EYA4: variants seen among roughly 807,000 people sequenced by gnomAD.
The protein encoded by EYA4 is protein phosphatase EYA4.
In EYA4, 31 loss-of-function variants were observed where a neutral mutation model predicts 87.9. That is an observed-to-expected ratio of 0.35 (90% CI 0.27 to 0.48). The LOEUF (loss-of-function observed/expected upper bound fraction) is 0.48, where lower values mean the gene tolerates loss of function less well. EYA4 is among the 20% of genes least tolerant of loss of function. EYA4 has a pLI of 0.99. For synonymous variants in EYA4, 263 were observed against 270.6 expected (o/e 0.97, Z 0.28); for missense variants, 678 against 761.4 (o/e 0.89, Z 1.29).
At chr6:133,301,830 G>T (rs1779431821) in intron 2 of EYA4, among the ~76,000 whole-genome samples, 1 of 152,202 alleles carries the variant, frequency 6.6e-6, no homozygotes, top group South Asian at 2.1e-4. Context: ...TTTGCATTTT[G>T]AAGGAGGAAG....
chr6:133,508,340 A>C (rs1798827832), intron 14 of EYA4, among the ~76,000 whole-genome samples: 1 of 143,410 alleles, frequency 7.0e-6, no homozygotes, highest in South Asian at 2.2e-4. Context: ...ATACAGAATG[A>C]TTTTATATAT....
intron 19 of EYA4, chr6:133,525,793 G>A (rs1800590781): frequency 7.8e-6 from 4 of 510,794 alleles, no homozygotes; most frequent in Non-Finnish European, 1.0e-5. Flanking sequence ...AAGGAATGCT[G>A]AGGGCAGATT....
intron 2 of EYA4, among the ~76,000 whole-genome samples, chr6:133,329,294 A>G (rs1381017874): frequency 6.6e-6 from 1 of 152,086 alleles, no homozygotes; most frequent in Non-Finnish European, 1.5e-5. Context: ...TAGCAAATCC[A>G]TGCCCAGTCT....
intron 2 of EYA4, among the ~76,000 whole-genome samples, chr6:133,296,360 G>C (rs1778944416): frequency 1.3e-5 from 2 of 152,210 alleles, no homozygotes; most frequent in African/African-American, 4.8e-5. Flanking sequence ...GCAAATGTCT[G>C]ACATAGTGTG....
chr6:133,380,313 G>A (rs753534018), intron 2 of EYA4, among the ~76,000 whole-genome samples: 4 of 152,068 alleles, frequency 2.6e-5, no homozygotes, highest in Admixed American at 1.3e-4. Flanking sequence ...GACTCTGTGG[G>A]TACTAAATAG....
Position 133,276,044 on chromosome 6 carries a change from T to C in EYA4, c.33+1231T>C, listed in dbSNP as rs546959797. On this transcript the variant is annotated intron_variant, in intron 2 of 19. Transcript: ENST00000355286. ...CTGTAAATATTCACAGCATGGACTCTAGCAAAATGGAGGTTAGTCATCATG... is the reference window on the plus strand; with the variant it reads ...CTGTAAATATTCACAGCATGGACTCCAGCAAAATGGAGGTTAGTCATCATG... 4.6e-5 allele frequency among the ~76,000 whole-genome samples: 7 copies of C among 152,322 alleles called. No individual in the cohort carries two copies. The South Asian group carries it at 1.5e-3, about 32-fold the overall frequency.
intron 18 of EYA4, 73 bp from the exon 19 acceptor site, chr6:133,525,081 G>C: frequency 6.2e-7 from 1 of 1,613,622 alleles, no homozygotes; most frequent in Non-Finnish European, 8.5e-7. Context: ...GTTGTGATTG[G>C]AGATGGCCGA....
chr6:133,492,998 A>G (rs936504289), intron 13 of EYA4, among the ~76,000 whole-genome samples: 1 of 152,174 alleles, frequency 6.6e-6, no homozygotes, highest in Non-Finnish European at 1.5e-5. Context: ...GACTAGAAGA[A>G]TCAATATTGT....
chr6:133,304,683 C>T (rs1779671572), intron 2 of EYA4, among the ~76,000 whole-genome samples: 1 of 152,110 alleles, frequency 6.6e-6, no homozygotes, highest in African/African-American at 2.4e-5. Context: ...TTTACCCTTG[C>T]CTCTACATTT....
chr6:133,419,807 C>A (rs1242691984), intron 3 of EYA4, among the ~76,000 whole-genome samples: 1 of 152,126 alleles, frequency 6.6e-6, no homozygotes. Context: ...GCAGAACACC[C>A]CCATGACTGC....
chr6:133,518,839 A>C (rs1481228488), intron 17 of EYA4, among the ~76,000 whole-genome samples: 1 of 152,138 alleles, frequency 6.6e-6, no homozygotes, highest in African/African-American at 2.4e-5. Context: ...AGGATTAAGA[A>C]TCTCACTCGA....
intron 2 of EYA4, among the ~76,000 whole-genome samples, chr6:133,380,424 T>C (rs1786085696): frequency 6.6e-6 from 1 of 152,130 alleles, no homozygotes; most frequent in African/African-American, 2.4e-5. Context: ...TAATTATGCT[T>C]TGGAAAGCCG....
chr6:133,394,750 G>A (rs465147), intron 3 of EYA4, among the ~76,000 whole-genome samples: 10,500 of 152,214 alleles, frequency 0.069, 538 homozygotes, highest in Non-Finnish European at 0.11. Flanking sequence ...CTTATTACAA[G>A]TAGGCATAGT....
At chr6:133,292,959 C>A (rs1459256767) in intron 2 of EYA4, among the ~76,000 whole-genome samples, 6 of 152,158 alleles carry the variant, frequency 3.9e-5, no homozygotes, top group African/African-American at 1.2e-4. Context: ...AAGAACTTGA[C>A]ACTCACTGTC....
At chr6:133,302,606 A>C (rs1001830773) in intron 2 of EYA4, among the ~76,000 whole-genome samples, 1 of 152,198 alleles carries the variant, frequency 6.6e-6, no homozygotes, top group African/African-American at 2.4e-5. Context: ...CTTTTAAGAA[A>C]ATATATACAC....
intron 3 of EYA4, among the ~76,000 whole-genome samples, chr6:133,441,869 A>G (rs970953200): frequency 2.0e-5 from 3 of 152,092 alleles, no homozygotes; most frequent in African/African-American, 7.2e-5. Context: ...AGTAGAAGGC[A>G]AAGAATCAAT....
At chr6:133,327,541 G>A (rs1562293748) in intron 2 of EYA4, among the ~76,000 whole-genome samples, 1 of 152,138 alleles carries the variant, frequency 6.6e-6, no homozygotes, top group Non-Finnish European at 1.5e-5. Flanking sequence ...TGGAACATAG[G>A]GAGCAATTTG....
intron 1 of EYA4, among the ~76,000 whole-genome samples, chr6:133,259,652 T>C (rs901114317): frequency 6.6e-6 from 1 of 152,238 alleles, no homozygotes; most frequent in South Asian, 2.1e-4. Flanking sequence ...TCTTATTTAA[T>C]TACATTCTTA....
At position 133,299,955 on chromosome 6, in the gene EYA4, C is replaced by CTATA. The variant is rs1016744513; in HGVS notation, c.33+25154_33+25157dup. Among the ~76,000 whole-genome samples the CTATA allele has an allele frequency of 1.6e-3, 170 of 106,228 alleles. 2 individuals carry two copies. The highest frequency in any genetic ancestry group is 4.1e-3 in the African/African-American group (122 of 29,578). 69.7% of individuals were successfully genotyped at this position (106,228 alleles called of 152,430 possible). On this transcript the variant is annotated intron_variant, in intron 2 of 19. Transcript: ENST00000355286. Reference sequence around the variant, plus strand: ...TCTATCTATCTATCTATCTATCTATCTATATATATATATATCTTTTGACTA... The same window carrying CTATA: ...TCTATCTATCTATCTATCTATCTATCTATATATATATATATATATCTTTTGACTA...
Sources: allele counts gnomAD v4.1 joint callset (sites outside exome capture counted in the v4.1 genomes callset), GRCh38; gene constraint gnomAD v4.1.1; transcripts MANE v1.5; gene names NCBI Gene and HGNC (gene_info 2026-07-23, HGNC 2026-07-21).